Variants in SDK1 observed in about 807,000 individuals in gnomAD.
SDK1 encodes the protein sidekick cell adhesion molecule 1, also known as protein sidekick-1.
Under a neutral mutation model 245.5 loss-of-function variants are expected in SDK1, and 157 were observed. That is an observed-to-expected ratio of 0.64 (90% CI 0.56 to 0.73). SDK1 has a LOEUF of 0.73. Ranked by LOEUF, SDK1 falls within the 30% of genes least tolerant of loss-of-function variation. The pLI, the probability that SDK1 is intolerant of heterozygous loss-of-function variation, is 0.00. For synonymous variants in SDK1, 1,647 were observed against 1,278.5 expected, an observed-to-expected ratio of 1.29 and a Z score of -6.15; for missense variants, 3,583 against 3,002.3, an observed-to-expected ratio of 1.19 and a Z score of -4.52.
intron 4 of SDK1, among the ~76,000 whole-genome samples, chr7:3,790,928 A>G (rs909188097): frequency 7.2e-5 from 11 of 152,108 alleles, no homozygotes; most frequent in Admixed American, 6.5e-5. Context: ...TTAACTTGAC[A>G]GTAATCAAAG....
intron 1 of SDK1, among the ~76,000 whole-genome samples, chr7:3,445,278 C>T (rs1407555141): frequency 1.3e-5 from 2 of 152,000 alleles, no homozygotes; most frequent in Admixed American, 6.6e-5. Flanking sequence ...ATCTTAGATA[C>T]CTACAAAACA....
chr7:3,804,867 A>T (rs1411334515), intron 4 of SDK1, among the ~76,000 whole-genome samples: 1 of 152,182 alleles, frequency 6.6e-6, no homozygotes, highest in Non-Finnish European at 1.5e-5. Flanking sequence ...TATTATAGAG[A>T]AATACAATTG....
At chr7:3,663,386 C>G (rs1445389961) in intron 4 of SDK1, among the ~76,000 whole-genome samples, 2 of 152,108 alleles carry the variant, frequency 1.3e-5, no homozygotes, top group Non-Finnish European at 1.5e-5. Flanking sequence ...GTGTTTTTAA[C>G]TAAATGAAAT....
chr7:4,083,183 T>C (rs1008855481), intron 22 of SDK1, among the ~76,000 whole-genome samples: 7 of 152,146 alleles, frequency 4.6e-5, no homozygotes, highest in Non-Finnish European at 7.3e-5. Flanking sequence ...TACACACACC[T>C]GGGAAGCTGT....
chr7:3,749,022 A>G (rs1779701968), intron 4 of SDK1, among the ~76,000 whole-genome samples: 1 of 152,230 alleles, frequency 6.6e-6, no homozygotes, highest in Admixed American at 6.5e-5. Context: ...AGATGGAGAC[A>G]TGCCAGTAAT....
At chr7:3,593,818 C>G (rs940886878) in intron 1 of SDK1, among the ~76,000 whole-genome samples, 2 of 152,024 alleles carry the variant, frequency 1.3e-5, no homozygotes, top group African/African-American at 4.8e-5. Flanking sequence ...CTGGCTTTGC[C>G]ACTTCGCAGC....
rs73674340 is a variant in SDK1 at position 3,918,014 on chromosome 7, C to A, written c.848-32909C>A. Among the ~76,000 whole-genome samples the A allele has an allele frequency of 5.7e-3, 862 of 152,262 alleles. 9 individuals are homozygous for A. The highest frequency in any genetic ancestry group is 0.019 in the African/African-American group (802 of 41,540). On this transcript the variant is annotated intron_variant, in intron 5 of 44. Transcript: ENST00000404826. ...GGCCCAAGAAAGTCCATTTCAAGGG[C>A]CTTATGTGTAATTCACAGTTTTGTT...
chr7:3,443,790 C>A, intron 1 of SDK1, among the ~76,000 whole-genome samples: 1 of 152,064 alleles, frequency 6.6e-6, no homozygotes, highest in East Asian at 1.9e-4. Flanking sequence ...TTTTTAGATT[C>A]TTTCTTATAA....
rs535276630 is a variant in SDK1, at chr7:3,652,275, A to T, written c.713+10170A>T. Among the ~76,000 whole-genome samples, 8 of 152,292 alleles carry T rather than the reference A, an allele frequency of 5.3e-5. No homozygotes were observed. In the South Asian group the frequency reaches 1.7e-3, roughly 32 times the overall value. On this transcript the variant is annotated intron_variant, in intron 4 of 44. Coordinates refer to ENST00000404826, the MANE Select transcript of SDK1 (RefSeq NM_152744.4). ...GATCCCAGCTATTATTTATGTATTA[A>T]TGGAAGTTCTCCAGTAGAGAAGGAG...
At chr7:4,245,902 C>T in intron 44 of SDK1, 97 bp downstream of exon 44, 2 of 1,428,984 alleles carry the variant, frequency 1.4e-6, no homozygotes, top group Non-Finnish European at 1.9e-6. Flanking sequence ...ATTTGAGTCT[C>T]ATAACATCCC....
intron 1 of SDK1, among the ~76,000 whole-genome samples, chr7:3,612,521 T>C (rs1449058954): frequency 6.6e-6 from 1 of 152,182 alleles, no homozygotes; most frequent in African/African-American, 2.4e-5. Flanking sequence ...CAGAAAAGGA[T>C]CTTCTACCCA....
Position 4,265,779 on chromosome 7 carries a change from G to A in SDK1, c.*395G>A, listed in dbSNP as rs562479726. 3.0e-4 allele frequency: 301 copies of A among 1,015,360 alleles called. 4 individuals carry two copies. In the South Asian group the frequency reaches 0.011, roughly 37 times the overall value. The allele number at this position is 1,015,360 out of a possible 1,614,324, so 62.9% of individuals were successfully genotyped here. On this transcript the variant is annotated 3_prime_UTR_variant, in exon 45 of 45. Transcript: ENST00000404826. ...TCAGGTGAGATCTCAGAGCTGCCCC[G>A]GCCGGCCCCCGTCTCTTTCTACCTC...
intron 1 of SDK1, among the ~76,000 whole-genome samples, chr7:3,456,725 C>G (rs1398021522): frequency 1.3e-5 from 2 of 152,084 alleles, no homozygotes; most frequent in Non-Finnish European, 2.9e-5. Context: ...CTAGCTTTTT[C>G]TCACTCAAGT....
At chr7:3,454,442 T>A (rs1008443255) in intron 1 of SDK1, among the ~76,000 whole-genome samples, 4 of 148,298 alleles carry the variant, frequency 2.7e-5, no homozygotes, top group African/African-American at 9.9e-5. Context: ...CATTTAAGTC[T>A]ATGCAATTCT....
At chr7:3,886,399 C>T (rs967985970) in intron 5 of SDK1, among the ~76,000 whole-genome samples, 2 of 152,190 alleles carry the variant, frequency 1.3e-5, no homozygotes, top group African/African-American at 2.4e-5. Flanking sequence ...CACGGCTGCA[C>T]CAGACCATCG....
At chr7:3,355,810 A>G (rs1268510212) in intron 1 of SDK1, among the ~76,000 whole-genome samples, 1 of 152,164 alleles carries the variant, frequency 6.6e-6, no homozygotes, top group African/African-American at 2.4e-5. Flanking sequence ...TGCCTCCTAT[A>G]TTCTTACCTT....
chr7:3,759,100 C>A (rs767733455), intron 4 of SDK1, among the ~76,000 whole-genome samples: 2 of 152,062 alleles, frequency 1.3e-5, no homozygotes, highest in East Asian at 3.9e-4. Context: ...GTGTATCCTG[C>A]GAGAAACAAA....
At chr7:3,495,805 C>T (rs1782008670) in intron 1 of SDK1, among the ~76,000 whole-genome samples, 1 of 152,334 alleles carries the variant, frequency 6.6e-6, no homozygotes, top group Middle Eastern at 3.4e-3. Flanking sequence ...TCTGCCTTTG[C>T]ACGAGCTGGT....
intron 5 of SDK1, 109 bp from the exon 6 acceptor site, chr7:3,950,814 C>G: frequency 1.3e-6 from 1 of 741,124 alleles, no homozygotes; most frequent in East Asian, 2.7e-5. Context: ...TTGGTACTCT[C>G]TTTGGTTTTA....
Sources: gnomAD v4.1 joint callset for allele counts (sites outside exome capture counted in the v4.1 genomes callset) on GRCh38, gnomAD v4.1.1 for gene constraint, MANE v1.5 for transcripts, NCBI Gene and HGNC (gene_info 2026-07-23, HGNC 2026-07-21) for gene names.